DHRSX: variants seen among roughly 807,000 people sequenced by gnomAD.
The protein encoded by DHRSX is polyprenol dehydrogenase.
DHRSX carries 31 observed loss-of-function variants against 34.0 expected under a neutral mutation model. That is an observed-to-expected ratio of 0.91 (90% CI 0.69 to 1.23). The LOEUF is 1.23. DHRSX is among the 50% of genes most tolerant of loss of function. The pLI is 0.00. For synonymous variants in DHRSX, 201 were observed against 183.8 expected (o/e 1.09, Z -0.76); for missense variants, 414 against 428.1 (o/e 0.97, Z 0.29).
At chrX:2,454,353 G>A (rs760496923) in intron 1 of DHRSX, among the ~76,000 whole-genome samples, 145 of 151,756 alleles carry the variant, frequency 9.6e-4, no homozygotes, top group African/African-American at 3.4e-3. Context: ...ATGCTGAAAC[G>A]CTGTGTCTAC....
Position 2,221,195 on chromosome X carries a change from G to A in DHRSX, c.839C>T (p.Ala280Val). 6.2e-7 allele frequency: 1 copy of A among 1,613,858 alleles called. No homozygotes were observed. Among genetic ancestry groups the A allele is most frequent in the Non-Finnish European group, 8.5e-7 (1 of 1,179,822 alleles). ...TCCTTCCAGCTCTGGGGTGACTGCT[G>A]CGTAGATGGAAGTCCACGCTCCTTC... ...PDEGAWTSIY[A>V]AVTPELEGVG... Residue 280 changes from alanine (A) to valine (V), a missense_variant, in exon 7 of 7, where the codon GCA becomes GTA. Coordinates refer to ENST00000334651, the MANE Select transcript of DHRSX (RefSeq NM_145177.3).
intron 1 of DHRSX, among the ~76,000 whole-genome samples, chrX:2,450,593 G>A (rs1312880447): frequency 6.6e-6 from 1 of 152,032 alleles, no homozygotes; most frequent in East Asian, 1.9e-4. Context: ...GCTTTCCCAG[G>A]TTCTGCGTAC....
rs757304543 is a variant in DHRSX at position 2,397,586 on chromosome X, C to T, written c.286+11159G>A. 1.6e-3 allele frequency among the ~76,000 whole-genome samples: 235 copies of T among 151,390 alleles called. 1 individual carries two copies. The highest frequency in any genetic ancestry group is 5.0e-3 in the African/African-American group (207 of 41,234). On this transcript the variant is annotated intron_variant, in intron 3 of 6. Coordinates refer to ENST00000334651, the MANE Select transcript of DHRSX (RefSeq NM_145177.3). Reference sequence around the variant, plus strand: ...CATTCACAGACAAAAAAAAAAACAACAGTAACACAGCCAGGCAGGGTAGAG... The same window carrying T: ...CATTCACAGACAAAAAAAAAAACAATAGTAACACAGCCAGGCAGGGTAGAG...
chrX:2,330,570 A>G (rs372359713), intron 3 of DHRSX, among the ~76,000 whole-genome samples: 1,548 of 128,380 alleles, frequency 0.012, 44 homozygotes, highest in African/African-American at 0.042. Context: ...GAGGGGAGGG[A>G]AGGGGAGGGG....
intron 1 of DHRSX, among the ~76,000 whole-genome samples, chrX:2,432,156 T>C (rs187068178): frequency 0.036 from 5,443 of 151,900 alleles, 139 homozygotes; most frequent in Non-Finnish European, 0.054. Context: ...ATCACGCCAG[T>C]GCACTCCAGC....
intron 1 of DHRSX, among the ~76,000 whole-genome samples, chrX:2,485,079 G>GTA (rs2124068907): frequency 6.6e-6 from 1 of 152,288 alleles, no homozygotes; most frequent in African/African-American, 2.4e-5. Flanking sequence ...AACCAGCTCA[G>GTA]AGTTAGGGCT....
chrX:2,422,512 C>T (rs1191773158), intron 2 of DHRSX, among the ~76,000 whole-genome samples: 12 of 152,184 alleles, frequency 7.9e-5, no homozygotes, highest in Admixed American at 3.3e-4. Flanking sequence ...CTGCCCGCCT[C>T]GGCTTCCTAA....
At chrX:2,400,593 A>G (rs28376386) in intron 3 of DHRSX, among the ~76,000 whole-genome samples, 5,384 of 152,272 alleles carry the variant, frequency 0.035, 312 homozygotes, top group African/African-American at 0.12. Flanking sequence ...GAGACTCAGA[A>G]GATACCTGTG....
chrX:2,499,737 T>C (rs778386785), intron 1 of DHRSX, among the ~76,000 whole-genome samples: 1 of 152,256 alleles, frequency 6.6e-6, no homozygotes, highest in Admixed American at 6.5e-5. Context: ...CAAGACCCTA[T>C]TGCTACACAA....
intron 3 of DHRSX, among the ~76,000 whole-genome samples, chrX:2,325,208 C>G (rs1009280318): frequency 2.0e-5 from 3 of 152,060 alleles, no homozygotes; most frequent in African/African-American, 7.2e-5. Flanking sequence ...GGACTAGACA[C>G]GTTCAAGATG....
At chrX:2,457,727 T>C (rs1233822770) in intron 1 of DHRSX, among the ~76,000 whole-genome samples, 1 of 151,324 alleles carries the variant, frequency 6.6e-6, no homozygotes, top group East Asian at 2.0e-4. Flanking sequence ...TCCCTAAGAA[T>C]GTGGCCAAGG....
chrX:2,359,841 A>G (rs2042906004), intron 3 of DHRSX, among the ~76,000 whole-genome samples: 1 of 152,134 alleles, frequency 6.6e-6, no homozygotes, highest in Non-Finnish European at 1.5e-5. Context: ...CCAAATTACT[A>G]CATGTTCTCA....
At chrX:2,337,605 A>C (rs1226975799) in intron 3 of DHRSX, among the ~76,000 whole-genome samples, 3 of 152,060 alleles carry the variant, frequency 2.0e-5, no homozygotes, top group Admixed American at 6.6e-5. Flanking sequence ...GAGCCTCAGG[A>C]TCGAGAAAAG....
chrX:2,320,721 T>C (rs936479080), intron 3 of DHRSX, among the ~76,000 whole-genome samples: 31 of 150,954 alleles, frequency 2.1e-4, no homozygotes, highest in Middle Eastern at 6.8e-3. Context: ...AAGTGTACAG[T>C]TGAAAGTCAA....
intron 1 of DHRSX, among the ~76,000 whole-genome samples, chrX:2,482,031 C>G (rs1194232500): frequency 2.6e-5 from 4 of 151,146 alleles, no homozygotes; most frequent in African/African-American, 4.9e-5. Flanking sequence ...GTGGCATGAT[C>G]GTAGTTTATG....
chrX:2,263,516 T>C (rs760305530), intron 5 of DHRSX, among the ~76,000 whole-genome samples: 185 of 150,106 alleles, frequency 1.2e-3, no homozygotes, highest in Admixed American at 2.5e-3. Context: ...TTCTTTCTTT[T>C]TTTTTTTTTT....
intron 3 of DHRSX, among the ~76,000 whole-genome samples, chrX:2,339,590 CT>C (rs2042615309): frequency 6.6e-6 from 1 of 152,050 alleles, no homozygotes; most frequent in Non-Finnish European, 1.5e-5. Flanking sequence ...ATTCTCATGC[CT>C]TTGTGTCCTC....
At chrX:2,276,444 C>G (rs1451543052) in intron 4 of DHRSX, among the ~76,000 whole-genome samples, 1 of 152,152 alleles carries the variant, frequency 6.6e-6, no homozygotes, top group Non-Finnish European at 1.5e-5. Flanking sequence ...CAGAATAAAA[C>G]TATCGTCCAT....
chrX:2,329,156 G>A (rs1842555424), intron 3 of DHRSX, among the ~76,000 whole-genome samples: 1 of 152,150 alleles, frequency 6.6e-6, no homozygotes, highest in Non-Finnish European at 1.5e-5. Context: ...TTGATGCCTG[G>A]TGCATAGGCC....
Sources: gnomAD v4.1 joint callset for allele counts (sites outside exome capture counted in the v4.1 genomes callset) on GRCh38, gnomAD v4.1.1 for gene constraint, MANE v1.5 for transcripts, NCBI Gene and HGNC (gene_info 2026-07-23, HGNC 2026-07-21) for gene names.